Variants in ANKRD29 observed in about 807,000 individuals in gnomAD.
ANKRD29 encodes the protein ankyrin repeat domain 29.
A neutral mutation model predicts 38.0 loss-of-function variants in ANKRD29; 32 were observed. The ratio of observed to expected loss-of-function variants is 0.84; its 90% CI spans 0.64 to 1.13. The LOEUF is 1.13. Ranked by LOEUF, ANKRD29 falls within the 50% of genes most tolerant of loss-of-function variation. The pLI, the probability that ANKRD29 is intolerant of heterozygous loss-of-function variation, is 0.00. For missense variants in ANKRD29, 357 were observed against 377.9 expected (o/e 0.94, Z 0.46); for synonymous variants, 135 against 152.4 (o/e 0.89, Z 0.84).
chr18:23,632,793 A>G (rs2059950784), intron 5 of ANKRD29, among the ~76,000 whole-genome samples: 1 of 152,186 alleles, frequency 6.6e-6, no homozygotes, highest in East Asian at 1.9e-4. Flanking sequence ...TAATTCAATC[A>G]TTCTACTGGT....
At chr18:23,625,405 G>A (rs186337871) in intron 6 of ANKRD29, among the ~76,000 whole-genome samples, 4 of 152,178 alleles carry the variant, frequency 2.6e-5, no homozygotes, top group South Asian at 2.1e-4. Flanking sequence ...ATTCCCAGAG[G>A]TTGGCAGTCT....
intron 1 of ANKRD29, among the ~76,000 whole-genome samples, chr18:23,660,414 A>C (rs1161754879): frequency 6.6e-6 from 1 of 152,214 alleles, no homozygotes; most frequent in Non-Finnish European, 1.5e-5. Flanking sequence ...TTATTGTTGA[A>C]GTGCCTATCA....
intron 9 of ANKRD29, among the ~76,000 whole-genome samples, chr18:23,609,713 T>C (rs753987140): frequency 4.6e-5 from 7 of 152,200 alleles, no homozygotes; most frequent in Non-Finnish European, 7.3e-5. Flanking sequence ...GTAAAGGTAT[T>C]AATGTTTCCT....
intron 3 of ANKRD29, among the ~76,000 whole-genome samples, chr18:23,641,405 T>C (rs1046242333): frequency 5.9e-5 from 9 of 152,228 alleles, no homozygotes; most frequent in Admixed American, 5.2e-4. Context: ...CCTGCTCCAG[T>C]GCGGAGCAAA....
intron 9 of ANKRD29, among the ~76,000 whole-genome samples, chr18:23,611,510 C>T (rs1198316047): frequency 6.6e-6 from 1 of 151,930 alleles, no homozygotes; most frequent in African/African-American, 2.4e-5. Flanking sequence ...ATGGTGAAAC[C>T]CCGTCTCTAC....
At chr18:23,624,679 T>A (rs2059840410) in intron 6 of ANKRD29, among the ~76,000 whole-genome samples, 1 of 152,060 alleles carries the variant, frequency 6.6e-6, no homozygotes, top group Non-Finnish European at 1.5e-5. Context: ...TATAAAAGTT[T>A]AATGAGTGTT....
At chr18:23,614,903 G>A (rs368622998) in intron 8 of ANKRD29, among the ~76,000 whole-genome samples, 3 of 152,156 alleles carry the variant, frequency 2.0e-5, no homozygotes, top group African/African-American at 7.2e-5. Flanking sequence ...AAGCTAAGCC[G>A]CTGTGTCCAT....
intron 3 of ANKRD29, among the ~76,000 whole-genome samples, chr18:23,642,884 A>T (rs915926497): frequency 3.3e-5 from 5 of 152,246 alleles, no homozygotes; most frequent in African/African-American, 1.2e-4. Context: ...ACATGCAATG[A>T]TTAAAAAGCA....
intron 1 of ANKRD29, among the ~76,000 whole-genome samples, chr18:23,656,947 T>C (rs1468226502): frequency 6.6e-6 from 1 of 152,106 alleles, no homozygotes; most frequent in African/African-American, 2.4e-5. Context: ...TCTCCCTGCC[T>C]CAACCTCCCC....
In ANKRD29 at chr18:23,599,736, G is replaced by C. The variant is rs2059491260; in HGVS notation, c.*1490C>G. ...TTTTGTATAGCTGGTCAGGCTGTAG[G>C]CACCTGTGGGGCCTGTGAGTTGCTC... On this transcript the variant is annotated 3_prime_UTR_variant, in exon 10 of 10. Coordinates refer to ENST00000592179, the MANE Select transcript of ANKRD29 (RefSeq NM_173505.4). 6.6e-6 allele frequency: 1 copy of C among 152,162 alleles called. No individual in the cohort carries two copies. The highest frequency in any genetic ancestry group is 1.5e-5 in the Non-Finnish European group (1 of 68,022). 9.4% of individuals were successfully genotyped at this position (152,162 alleles called of 1,614,324 possible).
At chr18:23,605,758 C>T (rs113294328) in intron 9 of ANKRD29, among the ~76,000 whole-genome samples, 1,938 of 152,062 alleles carry the variant, frequency 0.013, 33 homozygotes, top group African/African-American at 0.045. Flanking sequence ...AACTCCTGAC[C>T]TCACATGATC....
chr18:23,650,429 C>A lies in ANKRD29; in HGVS notation c.22-1236G>T, dbSNP rs191586590. Among the ~76,000 whole-genome samples, 8 of 152,352 alleles carry A rather than the reference C, an allele frequency of 5.3e-5. No homozygotes were observed. The East Asian group carries it at 1.5e-3, about 29-fold the overall frequency. ...AAAGTGCTGGGATTACAGGCGTGAG[C>A]CACTGCACTGGGCCTACTGGGTTAT... On this transcript the variant is annotated intron_variant, in intron 1 of 9. Transcript: ENST00000592179.
intron 3 of ANKRD29, 48 bp downstream of exon 3, chr18:23,646,141 A>C: frequency 6.4e-7 from 1 of 1,564,750 alleles, no homozygotes; most frequent in Non-Finnish European, 8.8e-7. Flanking sequence ...TGAAAACTTC[A>C]GATCTCTGAG....
chr18:23,624,251 G>A (rs1454919852), intron 6 of ANKRD29, among the ~76,000 whole-genome samples: 1 of 151,568 alleles, frequency 6.6e-6, no homozygotes, highest in Non-Finnish European at 1.5e-5. Context: ...CAAATCACTT[G>A]AGGCCTGGAG....
chr18:23,649,259 A>C, intron 1 of ANKRD29, 66 bp from the exon 2 acceptor site: 1 of 1,140,142 alleles, frequency 8.8e-7, no homozygotes, highest in Non-Finnish European at 1.3e-6. Context: ...TGCTATGCAC[A>C]TAGATAATAA....
At chr18:23,623,348 G>C (rs552434114) in intron 6 of ANKRD29, among the ~76,000 whole-genome samples, 24 of 152,270 alleles carry the variant, frequency 1.6e-4, no homozygotes, top group Admixed American at 1.5e-3. Context: ...TTGCATGTGA[G>C]TTAGAGCATT....
rs898319534 is a variant in ANKRD29 at position 23,646,376 on chromosome 18, C to T, written c.133-89G>A. ...GAAGATGCTGCAGAGATGTCAGCTC[C>T]ACTCAGAACACATCCAAGGGCAAAA... On this transcript the variant is annotated intron_variant, in intron 2 of 9. Transcript: ENST00000592179. 3.0e-5 allele frequency: 34 copies of T among 1,140,680 alleles called. No individual in the cohort carries two copies. The African/African-American group carries it at 3.4e-4, about 11-fold the overall frequency. The allele number at this position is 1,140,680 out of a possible 1,614,324, so 70.7% of individuals were successfully genotyped here. A position where few individuals can be genotyped will look rare whatever the true frequency, so the allele number is the denominator to read the frequency against.
intron 9 of ANKRD29, among the ~76,000 whole-genome samples, chr18:23,605,176 C>T (rs1170277166): frequency 6.6e-6 from 1 of 152,158 alleles, no homozygotes; most frequent in African/African-American, 2.4e-5. Flanking sequence ...TCGCCTTAAC[C>T]TCCCAAAGTG....
In ANKRD29 at chr18:23,638,849, T is replaced by G. The variant is rs745413601; in HGVS notation, c.330A>C (p.Lys110Asn). ...TACAAAATCAAGAAGGTTATCTCAC[T>G]TTGGTCCTAAATTCAGTGGATGCTC... ...GFGASTEFRT[K>N]DGGTALLAAS... The change falls in exon 4 of 10, where the codon AAA (lysine) becomes AAC (asparagine). Residue 110 changes from lysine (K) to asparagine (N), a missense_variant and splice_region_variant. Physicochemically the swap from Lys to Asn is moderately conservative, Grantham distance 94 (BLOSUM62 0). Transcript: ENST00000592179. 1.2e-6 allele frequency: 2 copies of G among 1,606,134 alleles called. No homozygotes were observed. The highest frequency in any genetic ancestry group is 2.2e-5 in the South Asian group (2 of 89,192).
Sources: allele counts gnomAD v4.1 joint callset (sites outside exome capture counted in the v4.1 genomes callset), GRCh38; gene constraint gnomAD v4.1.1; transcripts MANE v1.5; gene names NCBI Gene and HGNC (gene_info 2026-07-23, HGNC 2026-07-21).